FGD5: variants seen among roughly 807,000 people sequenced by gnomAD.
FGD5 encodes the protein FYVE, RhoGEF and PH domain containing 5, also known as FYVE, RhoGEF and PH domain-containing protein 5.
A neutral mutation model predicts 133.4 loss-of-function variants in FGD5; 28 were observed. The observed-to-expected ratio is 0.21, with a 90% CI of 0.16 to 0.29. The LOEUF (loss-of-function observed/expected upper bound fraction) is 0.29, where lower values mean the gene tolerates loss of function less well. FGD5 is among the 10% of genes least tolerant of loss of function. The pLI, the probability that FGD5 is intolerant of heterozygous loss-of-function variation, is 1.00. For missense variants in FGD5, 1,858 were observed against 1,895.2 expected (o/e 0.98, Z 0.36); for synonymous variants, 810 against 776.5 (o/e 1.04, Z -0.72).
At chr3:14,929,279 T>G (rs2038864285) in intron 18 of FGD5, among the ~76,000 whole-genome samples, 1 of 152,256 alleles carries the variant, frequency 6.6e-6, no homozygotes, top group South Asian at 2.1e-4. Flanking sequence ...TAGGTTTTGG[T>G]GATTATGAAT....
chr3:14,864,919 C>A (rs1559485117), intron 2 of FGD5, among the ~76,000 whole-genome samples: 1 of 152,200 alleles, frequency 6.6e-6, no homozygotes, highest in East Asian at 1.9e-4. Flanking sequence ...TTTCCATACA[C>A]CCCTTCTCAG....
intron 1 of FGD5, among the ~76,000 whole-genome samples, chr3:14,825,272 A>G (rs765625784): frequency 5.9e-5 from 9 of 152,074 alleles, no homozygotes; most frequent in Non-Finnish European, 1.0e-4. Context: ...ATTTTTTTCA[A>G]TGGTATACAA....
chr3:14,932,591 G>A lies in FGD5; in HGVS notation c.4212G>A (p.Leu1404=). The A allele has an allele frequency of 6.2e-7, 1 of 1,613,584 alleles. No homozygotes were observed. The highest frequency in any genetic ancestry group is 8.5e-7 in the Non-Finnish European group (1 of 1,179,694). The change falls in exon 19 of 20, where the codon TTG becomes TTA. Residue 1404 remains leucine, a synonymous_variant. Transcript: ENST00000285046. ...TYMASEDKVA[L]ESMPLLGFTI... ...GTCCTCTGCAGGACAAAGTGGCCTT[G>A]GAGAGTATGCCTCTGCTAGGCTTCA...
intron 19 of FGD5, 115 bp downstream of exon 19, chr3:14,932,846 T>A: frequency 8.0e-7 from 1 of 1,254,190 alleles, no homozygotes; most frequent in Non-Finnish European, 1.1e-6. Flanking sequence ...TTAGGTCCCT[T>A]TGGGCCATAG....
intron 10 of FGD5, 116 bp from the exon 11 acceptor site, chr3:14,910,745 C>A (rs1041219987): frequency 1.2e-6 from 1 of 850,654 alleles, no homozygotes; most frequent in African/African-American, 1.9e-5. Flanking sequence ...CAGGGGCCTC[C>A]CCTGCACCCT....
At chr3:14,884,013 C>T (rs936382827) in intron 4 of FGD5, among the ~76,000 whole-genome samples, 1 of 152,096 alleles carries the variant, frequency 6.6e-6, no homozygotes, top group African/African-American at 2.4e-5. Context: ...ATGGTTAGAA[C>T]ATAGAAAATT....
At position 14,822,719 on chromosome 3, in the gene FGD5, C is replaced by G. The variant is rs183985217; in HGVS notation, c.2525+1123C>G. On this transcript the variant is annotated intron_variant, in intron 1 of 19. Transcript: ENST00000285046. ...TCCTCATTGTTTGGGGGCACCTGAT[C>G]TGAATTAACGAGAAACAAAAGTGGT... Among the ~76,000 whole-genome samples the G allele has an allele frequency of 3.3e-5, 5 of 152,256 alleles. No individual in the cohort carries two copies. In the East Asian group the frequency reaches 9.6e-4, roughly 29 times the overall value.
intron 1 of FGD5, among the ~76,000 whole-genome samples, chr3:14,835,914 T>G (rs115858673): frequency 2.2e-3 from 342 of 152,072 alleles, no homozygotes; most frequent in African/African-American, 7.9e-3. Flanking sequence ...GTACCTGATA[T>G]GAAGAAGGGA....
In FGD5 at chr3:14,837,550, C is replaced by T. The variant is rs181642532; in HGVS notation, c.2525+15954C>T. Among the ~76,000 whole-genome samples, 634 of 152,264 alleles carry T rather than the reference C, an allele frequency of 4.2e-3. 2 individuals are homozygous for T. Among genetic ancestry groups the T allele is most frequent in the African/African-American group, 0.014 (595 of 41,546 alleles). On this transcript the variant is annotated intron_variant, in intron 1 of 19. Coordinates refer to ENST00000285046, the MANE Select transcript of FGD5 (RefSeq NM_152536.4). ...GGCTTTTCAGAATCCTGCATCTGTCCTCACTCTTTGGCCTGAGGACTACCG... is the reference window on the plus strand; with the variant it reads ...GGCTTTTCAGAATCCTGCATCTGTCTTCACTCTTTGGCCTGAGGACTACCG...
At chr3:14,868,696 A>G (rs2125108160) in intron 2 of FGD5, among the ~76,000 whole-genome samples, 1 of 152,306 alleles carries the variant, frequency 6.6e-6, no homozygotes, top group Admixed American at 6.5e-5. Flanking sequence ...CTCATCTCCT[A>G]GTGAACATGA....
intron 1 of FGD5, among the ~76,000 whole-genome samples, chr3:14,829,969 G>A (rs2036675186): frequency 6.6e-6 from 1 of 152,152 alleles, no homozygotes; most frequent in Admixed American, 6.5e-5. Context: ...TAAAACCAAG[G>A]TGATTTACAG....
chr3:14,871,561 A>G lies in FGD5; in HGVS notation c.2658+7301A>G, dbSNP rs1559487747. Among the ~76,000 whole-genome samples the G allele has an allele frequency of 7.2e-5, 11 of 152,292 alleles. No homozygotes were observed. In the South Asian group the frequency reaches 2.1e-3, roughly 29 times the overall value. On this transcript the variant is annotated intron_variant, in intron 2 of 19. Transcript: ENST00000285046. Reference sequence around the variant, plus strand: ...CTGCATTTCAGTACAGTAACACAAGAGACATTGCAAGGCGGGTGACAGAGG... The same window carrying G: ...CTGCATTTCAGTACAGTAACACAAGGGACATTGCAAGGCGGGTGACAGAGG...
At chr3:14,872,156 G>T (rs1575222090) in intron 2 of FGD5, among the ~76,000 whole-genome samples, 1 of 152,216 alleles carries the variant, frequency 6.6e-6, no homozygotes, top group African/African-American at 2.4e-5. Flanking sequence ...AGCTAATGGG[G>T]TCCCAACTTT....
intron 1 of FGD5, among the ~76,000 whole-genome samples, chr3:14,848,653 A>AT (rs1268457133): frequency 6.6e-6 from 1 of 152,164 alleles, no homozygotes; most frequent in African/African-American, 2.4e-5. Flanking sequence ...TATATAGGTT[A>AT]TTTTTTAAAT....
At chr3:14,919,858 C>G (rs967963531) in intron 13 of FGD5, among the ~76,000 whole-genome samples, 2 of 152,118 alleles carry the variant, frequency 1.3e-5, no homozygotes, top group African/African-American at 4.8e-5. Flanking sequence ...TAATCTCATT[C>G]GTGAGGGCTC....
In FGD5 at chr3:14,850,699, C is replaced by T. The variant is rs78051655; in HGVS notation, c.2526-13429C>T. On this transcript the variant is annotated intron_variant, in intron 1 of 19. Transcript: ENST00000285046. Reference sequence around the variant, plus strand: ...TATAGGAACGTAAATTAACTGGAGTCGTTGTAGTAAACTGCAACGGGAGCC... The same window carrying T: ...TATAGGAACGTAAATTAACTGGAGTTGTTGTAGTAAACTGCAACGGGAGCC... 9.7e-3 allele frequency among the ~76,000 whole-genome samples: 1,462 copies of T among 150,378 alleles called. 21 individuals carry two copies. The highest frequency in any genetic ancestry group is 0.033 in the African/African-American group (1,347 of 41,048).
chr3:14,881,359 A>C (rs1218504276), intron 4 of FGD5, among the ~76,000 whole-genome samples: 2 of 152,160 alleles, frequency 1.3e-5, no homozygotes, highest in African/African-American at 4.8e-5. Flanking sequence ...CAGTCAGCTC[A>C]GTTCAGTTCA....
At chr3:14,817,603 T>TA (rs1451010269), upstream of FGD5, among the ~76,000 whole-genome samples, 2 of 152,216 alleles carry the variant, frequency 1.3e-5, no homozygotes, top group African/African-American at 4.8e-5. Flanking sequence ...TTAGTAATGT[T>TA]AGATGTTTCA....
At position 14,819,200 on chromosome 3, in the gene FGD5, C is replaced by A. The variant is rs191927474; in HGVS notation, c.129C>A (p.Asp43Glu). Residue 43 changes from aspartate to glutamate, a missense_variant, in exon 1 of 20, where the codon GAC becomes GAA. Asp to Glu is a conservative substitution (Grantham distance 45, BLOSUM62 2). Coordinates refer to ENST00000285046, the MANE Select transcript of FGD5 (RefSeq NM_152536.4). The surrounding 1 kb of genome is among the most constrained non-coding windows in gnomAD (Gnocchi z 4.1). Reference protein sequence around the residue: ...KCSNGRLPCVDRGLDEGPRSI... With the variant: ...KCSNGRLPCVERGLDEGPRSI... Reference sequence around the variant, plus strand: ...GCAACGGGCGGCTGCCCTGTGTAGACAGGGGGCTTGATGAGGGGCCCCGGT... The same window carrying A: ...GCAACGGGCGGCTGCCCTGTGTAGAAAGGGGGCTTGATGAGGGGCCCCGGT... 9.0e-3 allele frequency: 14,028 copies of A among 1,550,480 alleles called. 79 individuals carry two copies. The highest frequency in any genetic ancestry group is 0.011 in the Non-Finnish European group (12,890 of 1,146,608).
Sources: gnomAD v4.1 joint callset for allele counts (sites outside exome capture counted in the v4.1 genomes callset) on GRCh38, gnomAD v4.1.1 for gene constraint, Gnocchi (gnomAD v3.1) non-coding constraint, MANE v1.5 for transcripts, NCBI Gene and HGNC (gene_info 2026-07-23, HGNC 2026-07-21) for gene names.